The following GPM6A variants were observed in gnomAD, a reference collection of about 807,000 sequenced individuals.
The protein encoded by GPM6A is glycoprotein M6A, also known as neuronal membrane glycoprotein M6-a.
Under a neutral mutation model 32.1 loss-of-function variants are expected in GPM6A, and 7 were observed. The ratio of observed to expected loss-of-function variants is 0.22; its 90% confidence interval spans 0.12 to 0.41. The LOEUF (loss-of-function observed/expected upper bound fraction) is 0.41, where lower values mean the gene tolerates loss of function less well. GPM6A is among the 10% of genes least tolerant of loss of function. GPM6A has a pLI of 1.00. For missense variants in GPM6A, 235 were observed against 347.2 expected (o/e 0.68, Z 2.57); for synonymous variants, 130 against 123.4 (o/e 1.05, Z -0.35).
rs1031749448 is a variant in GPM6A at position 175,799,760 on chromosome 4, C to T, written c.37+12431G>A. Among the ~76,000 whole-genome samples, 13 of 134,838 alleles carry T rather than the reference C, an allele frequency of 9.6e-5. 1 individual carries two copies. The highest frequency in any genetic ancestry group is 1.7e-4 in the Non-Finnish European group (10 of 60,332). 88.5% of individuals were successfully genotyped at this position (134,838 alleles called of 152,430 possible). Reference sequence around the variant, plus strand: ...CGCAATCTCGGCTCACTGCAAGCTCCGCCTCCCGGGTTCACGCCATTCTCC... The same window carrying T: ...CGCAATCTCGGCTCACTGCAAGCTCTGCCTCCCGGGTTCACGCCATTCTCC... On this transcript the variant is annotated intron_variant, in intron 1 of 6. Transcript: ENST00000393658.
intron 1 of GPM6A, among the ~76,000 whole-genome samples, chr4:175,758,605 C>T (rs1732621714): frequency 6.6e-6 from 1 of 152,010 alleles, no homozygotes; most frequent in East Asian, 1.9e-4. Flanking sequence ...TAAAAATGAC[C>T]GTTTTTTATA....
intron 3 of GPM6A, among the ~76,000 whole-genome samples, chr4:175,671,998 GA>G (rs1220803412): frequency 6.9e-6 from 1 of 144,700 alleles, no homozygotes; most frequent in East Asian, 2.4e-4. Flanking sequence ...AAAAAAAAAA[GA>G]AAGAAAGAAA....
intron 1 of GPM6A, among the ~76,000 whole-genome samples, chr4:175,965,787 T>G (rs1391033029): frequency 6.6e-6 from 1 of 152,016 alleles, no homozygotes; most frequent in African/African-American, 2.4e-5. Context: ...CTAATTTTTG[T>G]ATTGTTAGTA....
intron 1 of GPM6A, among the ~76,000 whole-genome samples, chr4:175,776,917 A>C (rs1223718712): frequency 1.3e-5 from 2 of 152,216 alleles, no homozygotes; most frequent in African/African-American, 4.8e-5. Context: ...TACGTATGCA[A>C]ATCAAAGTCC....
chr4:175,783,528 T>C (rs1733688434), intron 1 of GPM6A, among the ~76,000 whole-genome samples: 1 of 151,960 alleles, frequency 6.6e-6, no homozygotes, highest in Admixed American at 6.5e-5. Context: ...TAAAGCCTAT[T>C]ATTTATTTGT....
chr4:175,948,015 C>CTAGCAATAGCAA (rs371607987), intron 1 of GPM6A, among the ~76,000 whole-genome samples: 1 of 151,930 alleles, frequency 6.6e-6, no homozygotes, highest in Non-Finnish European at 1.5e-5. Flanking sequence ...AACATAGCAC[C>CTAGCAATAGCAA]TAGCAATAGC....
chr4:175,970,423 T>C lies in GPM6A; in HGVS notation c.-23+31886A>G, dbSNP rs147590306. ...GCAGGGGAAATGAAAAAAAAGTTACTGGTAAACAATAACAATAGACTTTGT... is the reference window on the plus strand; with the variant it reads ...GCAGGGGAAATGAAAAAAAAGTTACCGGTAAACAATAACAATAGACTTTGT... On this transcript the variant is annotated intron_variant, in intron 1 of 7. Coordinates refer to the GPM6A transcript ENST00000280187. Among the ~76,000 whole-genome samples the C allele has an allele frequency of 6.6e-3, 1,000 of 152,288 alleles. 10 individuals carry two copies. Among genetic ancestry groups the C allele is most frequent in the African/African-American group, 0.023 (943 of 41,568 alleles).
chr4:175,794,210 G>T (rs562481978), intron 1 of GPM6A, among the ~76,000 whole-genome samples: 12 of 152,146 alleles, frequency 7.9e-5, no homozygotes, highest in African/African-American at 2.9e-4. Flanking sequence ...AGTAATAAAA[G>T]TATCTTATTT....
chr4:175,851,182 C>G (rs1350076643), intron 1 of GPM6A, among the ~76,000 whole-genome samples: 1 of 150,926 alleles, frequency 6.6e-6, no homozygotes, highest in Non-Finnish European at 1.5e-5. Flanking sequence ...CATGGTGAAA[C>G]CCCGTCTCTA....
chr4:175,637,488 AC>A (rs1354081134), intron 6 of GPM6A, among the ~76,000 whole-genome samples: 2 of 96,196 alleles, frequency 2.1e-5, no homozygotes, highest in Non-Finnish European at 3.9e-5. Context: ...TATATATATG[AC>A]CTTTATATAT....
intron 1 of GPM6A, among the ~76,000 whole-genome samples, chr4:175,996,883 A>C (rs923479542): frequency 2.0e-5 from 3 of 152,004 alleles, no homozygotes; most frequent in African/African-American, 7.2e-5. Context: ...GCTGCTCCTC[A>C]CATCAAGGAA....
intron 6 of GPM6A, among the ~76,000 whole-genome samples, chr4:175,637,311 T>TTATATAA (rs1740751449): frequency 4.9e-5 from 1 of 20,574 alleles, no homozygotes; most frequent in African/African-American, 1.6e-4. Context: ...ATATTATATA[T>TTATATAA]AATATAAAAT....
chr4:175,637,336 A>T (rs1214247269), intron 6 of GPM6A, among the ~76,000 whole-genome samples: 13 of 74,712 alleles, frequency 1.7e-4, no homozygotes, highest in Non-Finnish European at 2.8e-4. Flanking sequence ...ATTATATATT[A>T]TATATTATAT....
chr4:175,696,443 T>A, intron 2 of GPM6A, among the ~76,000 whole-genome samples: 1 of 152,342 alleles, frequency 6.6e-6, no homozygotes, highest in East Asian at 1.9e-4. Context: ...TATTTCATAT[T>A]GGTGTTTTGA....
intron 1 of GPM6A, among the ~76,000 whole-genome samples, chr4:175,761,381 C>T (rs1232655907): frequency 2.6e-5 from 4 of 152,182 alleles, no homozygotes; most frequent in African/African-American, 4.8e-5. Flanking sequence ...CATGAGCCAC[C>T]GGGCCCAGCC....
intron 1 of GPM6A, among the ~76,000 whole-genome samples, chr4:175,824,575 C>T (rs1735375986): frequency 6.6e-6 from 1 of 151,950 alleles, no homozygotes; most frequent in South Asian, 2.1e-4. Context: ...TATCCATTTC[C>T]CCTGCCTGTC....
chr4:175,944,702 TAC>T (rs1479713891), intron 1 of GPM6A, among the ~76,000 whole-genome samples: 7 of 152,310 alleles, frequency 4.6e-5, no homozygotes, highest in Middle Eastern at 3.4e-3. Context: ...GTAAGAAATC[TAC>T]AGTTTCTGGC....
intron 1 of GPM6A, among the ~76,000 whole-genome samples, chr4:175,957,781 A>G (rs1236387713): frequency 2.0e-5 from 3 of 152,180 alleles, no homozygotes; most frequent in Admixed American, 2.0e-4. Flanking sequence ...AAGTTATAAA[A>G]ACATCATAAT....
At chr4:175,745,088 ATAAG>A (rs1470321939) in intron 1 of GPM6A, among the ~76,000 whole-genome samples, 2 of 142,604 alleles carry the variant, frequency 1.4e-5, no homozygotes, top group African/African-American at 5.0e-5. Context: ...AAAGATGAAG[ATAAG>A]AAAGAAATAC....
Sources: allele counts gnomAD v4.1 joint callset (sites outside exome capture counted in the v4.1 genomes callset), GRCh38; gene constraint gnomAD v4.1.1; transcripts MANE v1.5; gene names NCBI Gene and HGNC (gene_info 2026-07-23, HGNC 2026-07-21).